Variants in MYPN observed in about 807,000 individuals in gnomAD.
The protein encoded by MYPN is myopalladin.
MYPN carries 63 observed loss-of-function variants against 129.4 expected under a neutral mutation model. That is an observed-to-expected ratio of 0.49 (90% CI 0.40 to 0.60). The LOEUF is 0.60. Among genes scored for constraint, MYPN ranks in the 20% least tolerant of loss-of-function variants. The probability of loss-of-function intolerance (pLI) is 0.00; values close to 1 mark genes in which losing one functional copy is unlikely to be tolerated. For missense variants in MYPN, 1,596 were observed against 1,635.4 expected (o/e 0.98, Z 0.42); for synonymous variants, 629 against 600.9 (o/e 1.05, Z -0.68).
At chr10:68,137,287 C>T (rs143310982) in intron 2 of MYPN, among the ~76,000 whole-genome samples, 227 of 152,258 alleles carry the variant, frequency 1.5e-3, no homozygotes, top group African/African-American at 4.6e-3. Context: ...TGTTGTATTA[C>T]GTTGTTTGGG....
At position 68,178,398 on chromosome 10, in the gene MYPN, G is replaced by T. The variant is rs557075127; in HGVS notation, c.2703+2937G>T. ...AATCCTAAATGGTTTAGGTTAGAAT[G>T]GTGAATCTGAAAAGTCAAAGGAATC... On this transcript the variant is annotated intron_variant, in intron 12 of 19. Transcript: ENST00000358913. Among the ~76,000 whole-genome samples, 16 of 152,210 alleles carry T rather than the reference G, an allele frequency of 1.1e-4. 1 individual carries two copies. The South Asian group carries it at 3.3e-3, about 32-fold the overall frequency.
chr10:68,112,857 A>C (rs1440060927), intron 1 of MYPN, among the ~76,000 whole-genome samples: 1 of 152,200 alleles, frequency 6.6e-6, no homozygotes. Context: ...TGGATATTGT[A>C]ATAGTGTACC....
chr10:68,184,686 G>A (rs1028660560), intron 12 of MYPN, among the ~76,000 whole-genome samples: 13 of 152,184 alleles, frequency 8.5e-5, no homozygotes, highest in Admixed American at 7.2e-4. Flanking sequence ...GAATGAGGGC[G>A]GGCAGCAGAC....
chr10:68,152,720 T>TGG (rs958150711), intron 6 of MYPN, among the ~76,000 whole-genome samples: 1 of 152,148 alleles, frequency 6.6e-6, no homozygotes, highest in Non-Finnish European at 1.5e-5. Context: ...ACTGCAACCT[T>TGG]GGCCCCCCCG....
Position 68,110,243 on chromosome 10 carries a change from T to C in MYPN, c.-2+520T>C, listed in dbSNP as rs2042063362. 2.0e-5 allele frequency among the ~76,000 whole-genome samples: 3 copies of C among 152,168 alleles called. No homozygotes were observed. In the South Asian group the frequency reaches 6.2e-4, roughly 32 times the overall value. On this transcript the variant is annotated intron_variant, in intron 1 of 19. Coordinates refer to ENST00000358913, the MANE Select transcript of MYPN (RefSeq NM_032578.4). The stretch of plus-strand genomic sequence containing the variant: ...GTCTTGCTCAAGGGACATTGCTCTT[T>C]CTTTCTCCTTTCTCTCTCTCTCTCT...
At chr10:68,092,198 T>TG (rs1254269927) in intron 1 of MYPN, among the ~76,000 whole-genome samples, 25 of 152,044 alleles carry the variant, frequency 1.6e-4, no homozygotes, top group African/African-American at 5.8e-4. Context: ...TGTTAAGAAA[T>TG]GTATGTTGTT....
chr10:68,130,870 A>T (rs1193771285), intron 2 of MYPN, among the ~76,000 whole-genome samples: 1 of 152,254 alleles, frequency 6.6e-6, no homozygotes, highest in Non-Finnish European at 1.5e-5. Context: ...TTCTAGCACC[A>T]GTTGATGGAA....
intron 15 of MYPN, among the ~76,000 whole-genome samples, chr10:68,197,009 T>C (rs1396392044): frequency 1.3e-5 from 2 of 152,226 alleles, no homozygotes; most frequent in Admixed American, 6.5e-5. Flanking sequence ...GAGGTTCAGA[T>C]TGAATACTGA....
Position 68,166,465 on chromosome 10 carries a change from G to A in MYPN, c.1772G>A (p.Ser591Asn), listed in dbSNP as rs538690378. Reference protein sequence around the residue: ...VLVNHNEPRSSSRIGLRVHFN... With the variant: ...VLVNHNEPRSNSRIGLRVHFN... ...GTGAACCACAATGAGCCCCGGTCCA[G>A]CTCCAGGATTGGGCTTCGTGTGCAC... Residue 591 changes from serine (S) to asparagine (N), a missense_variant, in exon 10 of 20, where the codon AGC (serine) becomes AAC (asparagine). Physicochemically the swap from Ser to Asn is conservative, Grantham distance 46 (BLOSUM62 1). Coordinates refer to ENST00000358913, the MANE Select transcript of MYPN (RefSeq NM_032578.4). 1 of 1,614,126 alleles carries A rather than the reference G, an allele frequency of 6.2e-7. No individual in the cohort carries two copies. Among genetic ancestry groups the A allele is most frequent in the African/African-American group, 1.3e-5 (1 of 75,016 alleles).
chr10:68,180,423 C>G (rs559886629), intron 12 of MYPN, among the ~76,000 whole-genome samples: 1 of 152,172 alleles, frequency 6.6e-6, no homozygotes, highest in African/African-American at 2.4e-5. Context: ...TGAGCTCAAG[C>G]GATCCACCCG....
At chr10:68,123,685 A>G (rs2042284883) in intron 2 of MYPN, among the ~76,000 whole-genome samples, 1 of 34,042 alleles carries the variant, frequency 2.9e-5, no homozygotes. Context: ...GACTCCTTCA[A>G]TAAATAAATA....
chr10:68,106,934 A>G, upstream of MYPN: 2 of 637,798 alleles, frequency 3.1e-6, no homozygotes, highest in Admixed American at 2.6e-5. Context: ...GGCTTAAGAC[A>G]TGTAACCAAC....
rs2635995 is a variant in MYPN at position 68,136,360 on chromosome 10, A to G, written c.903-6580A>G. 1.8e-4 allele frequency: 156 copies of G among 864,492 alleles called. No homozygotes were observed. The African/African-American group carries it at 2.5e-3, about 14-fold the overall frequency. 53.6% of individuals were successfully genotyped at this position (864,492 alleles called of 1,614,324 possible). On this transcript the variant is annotated intron_variant, in intron 2 of 19. Transcript: ENST00000358913. The stretch of plus-strand genomic sequence containing the variant: ...TGAATCATGCCTGGCACCTACTGCC[A>G]TTCTGTAAGTGTCATGAGGATTTGG...
chr10:68,150,072 G>A lies in MYPN; in HGVS notation c.1278G>A (p.Leu426=). ...GCCCCACCAATTACTTGCAGGGATT[G>A]GATGGAAAACCTATCATTGCAGCTC... is the stretch of plus-strand genomic sequence containing the variant. The part of the protein sequence containing the change: ...CQSPTNYLQG[L]DGKPIIAAPV... The change falls in exon 6 of 20, where the codon TTG becomes TTA. Residue 426 remains leucine (L), a synonymous_variant. Transcript: ENST00000358913. The A allele has an allele frequency of 6.2e-7, 1 of 1,613,874 alleles. No homozygotes were observed. Among genetic ancestry groups the A allele is most frequent in the African/African-American group, 1.3e-5 (1 of 75,016 alleles).
chr10:68,155,758 C>A (rs1236574667), intron 6 of MYPN, among the ~76,000 whole-genome samples: 1 of 152,144 alleles, frequency 6.6e-6, no homozygotes, highest in African/African-American at 2.4e-5. Context: ...TAACAACCAT[C>A]CTCATCCTTA....
intron 8 of MYPN, 187 bp from the exon 9 acceptor site, chr10:68,165,515 T>C (rs1299951875): frequency 1.5e-6 from 1 of 684,316 alleles, no homozygotes; most frequent in Non-Finnish European, 2.7e-6. Context: ...GTTTCTACAT[T>C]CTTTGACTCA....
chr10:68,106,088 A>C (rs111861659), upstream of MYPN: 22,660 of 452,924 alleles, frequency 0.05, 852 homozygotes, highest in Admixed American at 0.11. Flanking sequence ...CATTTCCTTC[A>C]TGGCACTTTT....
chr10:68,123,815 C>T (rs1016275925), intron 2 of MYPN, among the ~76,000 whole-genome samples: 11 of 152,004 alleles, frequency 7.2e-5, no homozygotes, highest in South Asian at 2.1e-4. Context: ...TATTGGACAG[C>T]GCAGGGCTAC....
intron 6 of MYPN, among the ~76,000 whole-genome samples, chr10:68,152,194 G>T (rs2042782465): frequency 6.6e-6 from 1 of 152,190 alleles, no homozygotes; most frequent in Middle Eastern, 3.2e-3. Context: ...TCATGCAGAT[G>T]AAGCCTCCAG....
Sources: gnomAD v4.1 joint callset for allele counts (sites outside exome capture counted in the v4.1 genomes callset) on GRCh38, gnomAD v4.1.1 for gene constraint, MANE v1.5 for transcripts, NCBI Gene and HGNC (gene_info 2026-07-23, HGNC 2026-07-21) for gene names.